PSMD12: variants seen among roughly 807,000 people sequenced by gnomAD.
PSMD12 encodes the protein proteasome 26S subunit, non-ATPase 12.
PSMD12 carries 8 observed loss-of-function variants against 62.9 expected under a neutral mutation model. The observed-to-expected ratio is 0.13, with a 90% CI of 0.07 to 0.23. The LOEUF (loss-of-function observed/expected upper bound fraction) is 0.23. PSMD12 is among the 10% of genes least tolerant of loss of function. The probability of loss-of-function intolerance (pLI) is 1.00; values close to 1 mark genes in which losing one functional copy is unlikely to be tolerated. For synonymous variants in PSMD12, 173 were observed against 187.4 expected, an observed-to-expected ratio of 0.92 and a Z score of 0.63; for missense variants, 424 against 550.2, an observed-to-expected ratio of 0.77 and a Z score of 2.29.
At chr17:67,357,169 C>A in intron 3 of PSMD12, 134 bp downstream of exon 3, 1 of 958,032 alleles carries the variant, frequency 1.0e-6, no homozygotes, top group Non-Finnish European at 1.5e-6. Flanking sequence ...AGAATGTAGA[C>A]TGAATTTTAA....
chr17:67,343,852 C>T (rs371944616), intron 9 of PSMD12, among the ~76,000 whole-genome samples: 27 of 151,850 alleles, frequency 1.8e-4, no homozygotes, highest in African/African-American at 5.8e-4. Flanking sequence ...TACAGGTGTG[C>T]GCCACCACGC....
Position 67,347,113 on chromosome 17 carries a change from T to C in PSMD12, c.795+3A>G, listed in dbSNP as rs988184743. The C allele has an allele frequency of 6.3e-7, 1 of 1,591,510 alleles. No homozygotes were observed. The highest frequency in any genetic ancestry group is 1.4e-5 in the African/African-American group (1 of 74,036). Reference sequence around the variant, plus strand: ...CATGTCAATTACACGAATATATTCTTACCTGCTGCCATTTTTCACTTTCTG... The same window carrying C: ...CATGTCAATTACACGAATATATTCTCACCTGCTGCCATTTTTCACTTTCTG... On this transcript the variant is annotated splice_donor_region_variant and intron_variant, in intron 7 of 10. Coordinates refer to ENST00000356126, the MANE Select transcript of PSMD12 (RefSeq NM_002816.5).
At chr17:67,352,099 A>AT (rs964115990) in intron 3 of PSMD12, among the ~76,000 whole-genome samples, 22 of 148,210 alleles carry the variant, frequency 1.5e-4, no homozygotes, top group African/African-American at 2.3e-4. Context: ...AAAAAAAAAA[A>AT]TTTTTTTTAA....
chr17:67,342,761 C>T (rs1453404756), intron 9 of PSMD12, among the ~76,000 whole-genome samples: 1 of 152,082 alleles, frequency 6.6e-6, no homozygotes, highest in African/African-American at 2.4e-5. Flanking sequence ...CACAGCAAGA[C>T]CCCATCCCCA....
chr17:67,349,766 T>C (rs1025865853), intron 4 of PSMD12, among the ~76,000 whole-genome samples: 3 of 152,200 alleles, frequency 2.0e-5, no homozygotes, highest in Admixed American at 6.5e-5. Flanking sequence ...ACCAAAAATA[T>C]GACTACAGTA....
intron 1 of PSMD12, among the ~76,000 whole-genome samples, chr17:67,363,765 A>T (rs1459237957): frequency 6.6e-6 from 1 of 152,192 alleles, no homozygotes; most frequent in African/African-American, 2.4e-5. Flanking sequence ...GAAAATAAAA[A>T]GCAGCTGGGC....
intron 1 of PSMD12, among the ~76,000 whole-genome samples, chr17:67,364,280 C>T (rs2042160038): frequency 6.6e-6 from 1 of 151,912 alleles, no homozygotes. Context: ...CAGGCCCCAA[C>T]ATTCTTTTTT....
In PSMD12 at chr17:67,338,564, G is replaced by GA. The variant is rs1202077487; in HGVS notation, c.*2278dup. On this transcript the variant is annotated 3_prime_UTR_variant, in exon 11 of 11. Coordinates refer to ENST00000356126, the MANE Select transcript of PSMD12 (RefSeq NM_002816.5). ...AGCCTAGTGTGTGTTAAAGAAAGACGAAAGAGGAGTTGGGTGCAGTGGCTC... is the reference window on the plus strand; with the variant it reads ...AGCCTAGTGTGTGTTAAAGAAAGACGAAAAGAGGAGTTGGGTGCAGTGGCTC... The GA allele has an allele frequency of 6.6e-6, 1 of 152,196 alleles. No homozygotes were observed. Among genetic ancestry groups the GA allele is most frequent in the Non-Finnish European group, 1.5e-5 (1 of 68,058 alleles). The allele number at this position is 152,196 out of a possible 1,614,324, so 9.4% of individuals were successfully genotyped here.
In PSMD12 at chr17:67,339,980, G is replaced by C. The variant is rs1452175528; in HGVS notation, c.*863C>G. 1 of 145,358 alleles carries C rather than the reference G, an allele frequency of 6.9e-6. No individual in the cohort carries two copies. Among genetic ancestry groups the C allele is most frequent in the Non-Finnish European group, 1.5e-5 (1 of 67,006 alleles). 9.0% of individuals were successfully genotyped at this position (145,358 alleles called of 1,614,324 possible). A position where few individuals can be genotyped will look rare whatever the true frequency, so the allele number is the denominator to read the frequency against. The stretch of plus-strand genomic sequence containing the variant: ...AGTTCCTACAGAGATAATGAATTTG[G>C]AACAATAATGATGTAATCAGACTTA... On this transcript the variant is annotated 3_prime_UTR_variant, in exon 11 of 11. Coordinates refer to ENST00000356126, the MANE Select transcript of PSMD12 (RefSeq NM_002816.5).
At chr17:67,355,882 C>T (rs1262747998) in intron 3 of PSMD12, among the ~76,000 whole-genome samples, 4 of 151,908 alleles carry the variant, frequency 2.6e-5, no homozygotes, top group African/African-American at 9.7e-5. Flanking sequence ...AATCCCAGCA[C>T]TTTGGGAGGC....
chr17:67,351,117 C>T (rs191814065), intron 3 of PSMD12, among the ~76,000 whole-genome samples: 4 of 152,154 alleles, frequency 2.6e-5, no homozygotes, highest in African/African-American at 4.8e-5. Flanking sequence ...ATGGGTCAGG[C>T]GTGGTGGCTC....
At chr17:67,349,145 G>C (rs956934139) in intron 4 of PSMD12, among the ~76,000 whole-genome samples, 1 of 152,154 alleles carries the variant, frequency 6.6e-6, no homozygotes, top group Non-Finnish European at 1.5e-5. Context: ...TCAGCCTCCA[G>C]AGTAGCTGGG....
At chr17:67,350,152 A>G (rs2042003857) in intron 4 of PSMD12, 77 bp downstream of exon 4, 6 of 842,102 alleles carry the variant, frequency 7.1e-6, no homozygotes, top group Non-Finnish European at 8.9e-6. Context: ...TATACAAAAT[A>G]TCTACATACA....
intron 8 of PSMD12, 145 bp downstream of exon 8, chr17:67,345,600 C>A (rs2041957426): frequency 1.5e-6 from 1 of 660,492 alleles, no homozygotes; most frequent in Non-Finnish European, 2.6e-6. Context: ...TGAGATTACA[C>A]CATTACACTC....
At chr17:67,353,175 A>T (rs2042034204) in intron 3 of PSMD12, among the ~76,000 whole-genome samples, 7 of 152,204 alleles carry the variant, frequency 4.6e-5, no homozygotes, top group Admixed American at 4.6e-4. Context: ...TCTCTGAAAA[A>T]AATGCAAGAC....
intron 8 of PSMD12, 36 bp downstream of exon 8, chr17:67,345,709 A>T (rs374836659): frequency 1.3e-6 from 2 of 1,536,342 alleles, no homozygotes; most frequent in Non-Finnish European, 1.8e-6. Context: ...TGGTGTTTCG[A>T]CTGAGATATA....
chr17:67,365,624 T>C (rs1240686624), intron 1 of PSMD12, among the ~76,000 whole-genome samples: 1 of 152,186 alleles, frequency 6.6e-6, no homozygotes, highest in Non-Finnish European at 1.5e-5. Flanking sequence ...GAACCTAAGA[T>C]ATACATACGT....
At chr17:67,352,373 T>A (rs894632839) in intron 3 of PSMD12, among the ~76,000 whole-genome samples, 1 of 152,220 alleles carries the variant, frequency 6.6e-6, no homozygotes, top group Non-Finnish European at 1.5e-5. Context: ...CTTTTAACTA[T>A]CTGAAACACT....
At chr17:67,343,695 G>C (rs1005740548) in intron 9 of PSMD12, among the ~76,000 whole-genome samples, 1 of 152,024 alleles carries the variant, frequency 6.6e-6, no homozygotes, top group African/African-American at 2.4e-5. Context: ...ATTAAAGGTA[G>C]AGTAATGGGT....
Sources: allele counts gnomAD v4.1 joint callset (sites outside exome capture counted in the v4.1 genomes callset), GRCh38; gene constraint gnomAD v4.1.1; transcripts MANE v1.5; gene names NCBI Gene and HGNC (gene_info 2026-07-23, HGNC 2026-07-21).